Variants in BICRAL observed in about 807,000 individuals in gnomAD.
BICRAL encodes the protein BRD4-interacting chromatin-remodeling complex-associated protein-like.
In BICRAL, 8 loss-of-function variants were observed where a neutral mutation model predicts 91.8. The observed-to-expected ratio is 0.09, with a 90% CI of 0.05 to 0.16. The LOEUF (loss-of-function observed/expected upper bound fraction) is 0.16, where lower values mean the gene tolerates loss of function less well. BICRAL is among the 10% of genes least tolerant of loss of function. The probability of loss-of-function intolerance (pLI) is 1.00; values close to 1 mark genes in which losing one functional copy is unlikely to be tolerated. For missense variants in BICRAL, 1,038 were observed against 1,310.9 expected, an observed-to-expected ratio of 0.79 and a Z score of 3.21; for synonymous variants, 445 against 491.1, an observed-to-expected ratio of 0.91 and a Z score of 1.24.
intron 8 of BICRAL, 133 bp from the exon 9 acceptor site, chr6:42,855,723 C>A: frequency 1.5e-6 from 1 of 651,076 alleles, no homozygotes; most frequent in Non-Finnish European, 2.7e-6. Flanking sequence ...TATTTTTCAG[C>A]AGGGCACATT....
At chr6:42,802,421 G>GTTTT (rs370280741) in intron 1 of BICRAL, among the ~76,000 whole-genome samples, 1,984 of 149,628 alleles carry the variant, frequency 0.013, 51 homozygotes, top group African/African-American at 0.046. Flanking sequence ...AGCTTTTCGT[G>GTTTT]TTTTTTTTTG....
chr6:42,858,002 G>A (rs144072175), intron 10 of BICRAL, among the ~76,000 whole-genome samples: 4,861 of 148,956 alleles, frequency 0.033, 280 homozygotes, highest in African/African-American at 0.11. Flanking sequence ...GTAGAGATGG[G>A]GTTTCACCAT....
At chr6:42,823,975 C>T (rs1425181983) in intron 5 of BICRAL, among the ~76,000 whole-genome samples, 1 of 149,334 alleles carries the variant, frequency 6.7e-6, no homozygotes, top group East Asian at 2.0e-4. Context: ...TGGTGGCTCA[C>T]ACCTGTAATC....
chr6:42,842,364 A>C (rs1764824567), intron 6 of BICRAL, among the ~76,000 whole-genome samples: 1 of 152,176 alleles, frequency 6.6e-6, no homozygotes, highest in East Asian at 1.9e-4. Context: ...CCTCTTCCTA[A>C]AGAAGGCAGA....
chr6:42,848,718 C>T (rs1336752160), intron 6 of BICRAL, among the ~76,000 whole-genome samples: 1 of 152,068 alleles, frequency 6.6e-6, no homozygotes. Context: ...GTGGCACACA[C>T]CTGTAGTCCC....
chr6:42,795,823 A>G (rs904476387), intron 1 of BICRAL, among the ~76,000 whole-genome samples: 1 of 152,188 alleles, frequency 6.6e-6, no homozygotes, highest in Non-Finnish European at 1.5e-5. Flanking sequence ...TACCATAACT[A>G]TCTACTCTGA....
intron 2 of BICRAL, among the ~76,000 whole-genome samples, chr6:42,818,202 AC>A (rs1258983656): frequency 6.6e-6 from 1 of 152,192 alleles, no homozygotes; most frequent in Non-Finnish European, 1.5e-5. Flanking sequence ...ATCTGACAGG[AC>A]ATGTAGTATC....
At chr6:42,815,872 A>G (rs914155694) in intron 2 of BICRAL, among the ~76,000 whole-genome samples, 5 of 149,310 alleles carry the variant, frequency 3.3e-5, no homozygotes, top group Non-Finnish European at 7.4e-5. Flanking sequence ...CTGTAATCCT[A>G]TCTCGGGAGG....
chr6:42,812,626 TA>T (rs1182348453), intron 2 of BICRAL, among the ~76,000 whole-genome samples: 7 of 152,106 alleles, frequency 4.6e-5, no homozygotes, highest in Non-Finnish European at 7.4e-5. Context: ...TGTTTTAAAA[TA>T]AAAGCGCACT....
intron 1 of BICRAL, among the ~76,000 whole-genome samples, chr6:42,760,359 T>TA (rs59668032): frequency 0.28 from 35,097 of 125,762 alleles, 4,795 homozygotes; most frequent in African/African-American, 0.37. Flanking sequence ...TCTCTACTAC[T>TA]AAAAAAAAAA....
chr6:42,788,413 G>T (rs572132495), intron 1 of BICRAL, among the ~76,000 whole-genome samples: 1 of 151,862 alleles, frequency 6.6e-6, no homozygotes, highest in Admixed American at 6.6e-5. Context: ...TAGTAGAGAC[G>T]GGTCCACCAT....
chr6:42,794,599 C>T (rs1302785238), intron 1 of BICRAL, among the ~76,000 whole-genome samples: 1 of 151,858 alleles, frequency 6.6e-6, no homozygotes, highest in African/African-American at 2.4e-5. Flanking sequence ...ATTCTCTGTT[C>T]TTTTTTCATT....
intron 1 of BICRAL, among the ~76,000 whole-genome samples, chr6:42,787,703 C>T: frequency 6.6e-6 from 1 of 152,106 alleles, no homozygotes. Context: ...AGAGAAATGT[C>T]TATTTGGATT....
At chr6:42,833,791 C>G (rs1452968212) in intron 6 of BICRAL, among the ~76,000 whole-genome samples, 1 of 152,168 alleles carries the variant, frequency 6.6e-6, no homozygotes, top group African/African-American at 2.4e-5. Flanking sequence ...TGCAACAGTT[C>G]CTCAGTCGTT....
chr6:42,774,354 C>T (rs564092692), intron 1 of BICRAL, among the ~76,000 whole-genome samples: 2 of 152,280 alleles, frequency 1.3e-5, no homozygotes, highest in African/African-American at 2.4e-5. Flanking sequence ...GTGTTACAAA[C>T]ATGCATAGAG....
intron 1 of BICRAL, among the ~76,000 whole-genome samples, chr6:42,767,053 A>AG (rs1232336473): frequency 6.6e-6 from 1 of 151,598 alleles, no homozygotes; most frequent in African/African-American, 2.4e-5. Flanking sequence ...AAAAAAAAAA[A>AG]AAGAAGAAGA....
intron 8 of BICRAL, among the ~76,000 whole-genome samples, chr6:42,854,503 GTTTTGT>G (rs529768161): frequency 1.3e-4 from 20 of 151,608 alleles, no homozygotes; most frequent in East Asian, 1.9e-4. Flanking sequence ...TGGGTTTTTT[GTTTTGT>G]TTTTGTTTTT....
intron 1 of BICRAL, among the ~76,000 whole-genome samples, chr6:42,759,355 A>T (rs1463623443): frequency 6.6e-6 from 1 of 152,218 alleles, no homozygotes; most frequent in Non-Finnish European, 1.5e-5. Flanking sequence ...TTAACAAAGG[A>T]TCAGTCTGGA....
intron 1 of BICRAL, among the ~76,000 whole-genome samples, chr6:42,751,281 C>G (rs145532768): frequency 1.3e-5 from 2 of 152,136 alleles, no homozygotes; most frequent in Middle Eastern, 3.4e-3. Flanking sequence ...GGGTGGAGAG[C>G]CTTAAATCAC....
Sources: allele counts gnomAD v4.1 joint callset (sites outside exome capture counted in the v4.1 genomes callset), GRCh38; gene constraint gnomAD v4.1.1; transcripts MANE v1.5; gene names NCBI Gene and HGNC (gene_info 2026-07-23, HGNC 2026-07-21).